The following VRK2 variants were observed in gnomAD, a reference collection of about 807,000 sequenced individuals.
VRK2 encodes the protein serine/threonine-protein kinase VRK2.
VRK2 carries 60 observed loss-of-function variants against 57.6 expected under a neutral mutation model. The observed-to-expected ratio is 1.04, with a 90% CI of 0.85 to 1.29. VRK2 has a LOEUF of 1.29. Ranked by LOEUF, VRK2 falls within the 50% of genes most tolerant of loss-of-function variation. The probability of loss-of-function intolerance (pLI) is 0.00; values close to 1 mark genes in which losing one functional copy is unlikely to be tolerated. For synonymous variants in VRK2, 231 were observed against 199.2 expected, an observed-to-expected ratio of 1.16 and a Z score of -1.35; for missense variants, 705 against 588.1, an observed-to-expected ratio of 1.20 and a Z score of -2.06.
At chr2:58,004,239 A>C (rs1673177387) in intron 1 of VRK2, among the ~76,000 whole-genome samples, 1 of 152,056 alleles carries the variant, frequency 6.6e-6, no homozygotes, top group South Asian at 2.1e-4. Flanking sequence ...ATGGGACTAT[A>C]ATATGCTTTT....
chr2:58,137,244 T>TATGATACATATATATCTC (rs1680660010), intron 10 of VRK2, among the ~76,000 whole-genome samples: 1 of 114,874 alleles, frequency 8.7e-6, no homozygotes, highest in African/African-American at 3.6e-5. Context: ...ATATATATCA[T>TATGATACATATATATCTC]ATATATGATA....
intron 7 of VRK2, among the ~76,000 whole-genome samples, chr2:58,122,163 T>C (rs952840891): frequency 4.6e-5 from 7 of 152,176 alleles, no homozygotes; most frequent in Non-Finnish European, 1.0e-4. Flanking sequence ...GTGGTGTTTC[T>C]TGTGTTTTGG....
intron 1 of VRK2, among the ~76,000 whole-genome samples, chr2:58,006,987 T>C (rs571915919): frequency 6.6e-6 from 1 of 152,162 alleles, no homozygotes; most frequent in Admixed American, 6.5e-5. Flanking sequence ...AGGACCCCAG[T>C]ACATTGTCGA....
chr2:58,069,815 T>G (rs1423022564), intron 2 of VRK2, among the ~76,000 whole-genome samples: 1 of 152,192 alleles, frequency 6.6e-6, no homozygotes, highest in Non-Finnish European at 1.5e-5. Context: ...CTAGAGAGCT[T>G]CTACTGGGGC....
At chr2:57,948,780 T>C (rs1420632411) in intron 1 of VRK2, among the ~76,000 whole-genome samples, 1 of 151,674 alleles carries the variant, frequency 6.6e-6, no homozygotes, top group Non-Finnish European at 1.5e-5. Context: ...AAAATAGCCA[T>C]TAATGGGAAA....
In VRK2 at chr2:58,087,441, T is replaced by TA. The variant is rs1397157398; in HGVS notation, c.345-899dup. On this transcript the variant is annotated intron_variant, in intron 5 of 12. Transcript: ENST00000340157. The stretch of plus-strand genomic sequence containing the variant: ...TTGCCTTAGAAGGATTTTGATGAGA[T>TA]ACTATTGAAAAAAGTAAGATGGAGA... 2.6e-5 allele frequency among the ~76,000 whole-genome samples: 4 copies of TA among 152,270 alleles called. No individual in the cohort carries two copies. In the East Asian group the frequency reaches 5.8e-4, roughly 22 times the overall value.
intron 1 of VRK2, among the ~76,000 whole-genome samples, chr2:57,979,840 T>G (rs991468465): frequency 1.3e-5 from 2 of 152,174 alleles, no homozygotes; most frequent in African/African-American, 4.8e-5. Context: ...GTGTTCATAA[T>G]AGTCTCTGAG....
intron 1 of VRK2, among the ~76,000 whole-genome samples, chr2:57,990,470 G>C (rs552756151): frequency 6.6e-6 from 1 of 152,138 alleles, no homozygotes; most frequent in Non-Finnish European, 1.5e-5. Context: ...CAGATGATAG[G>C]ACCAGATCAC....
intron 1 of VRK2, among the ~76,000 whole-genome samples, chr2:58,021,747 C>A (rs1004640460): frequency 3.3e-5 from 5 of 152,116 alleles, no homozygotes; most frequent in African/African-American, 1.2e-4. Flanking sequence ...CCAGTAGCAT[C>A]CCCCATACCT....
intron 1 of VRK2, among the ~76,000 whole-genome samples, chr2:57,908,049 G>T (rs909239058): frequency 1.3e-5 from 2 of 152,106 alleles, no homozygotes; most frequent in African/African-American, 4.8e-5. Context: ...GAGAATGAAG[G>T]CCAAAAGGAT....
intron 1 of VRK2, among the ~76,000 whole-genome samples, chr2:57,992,726 CG>C (rs1672806424): frequency 1.3e-5 from 2 of 152,022 alleles, no homozygotes; most frequent in South Asian, 4.2e-4. Context: ...TTAGTAGAGA[CG>C]GGGTTTCACC....
chr2:58,082,377 A>G (rs995442701), intron 2 of VRK2, among the ~76,000 whole-genome samples: 2 of 151,646 alleles, frequency 1.3e-5, no homozygotes, highest in Non-Finnish European at 3.0e-5. Context: ...TTAAAGATTT[A>G]TTTGCTGCTG....
intron 7 of VRK2, among the ~76,000 whole-genome samples, chr2:58,111,926 C>T (rs569659246): frequency 9.7e-4 from 148 of 152,196 alleles, no homozygotes; most frequent in Non-Finnish European, 1.8e-3. Flanking sequence ...ACATATGGTT[C>T]TCTGTTACAT....
At chr2:58,036,746 C>T (rs1674287201) in intron 3 of VRK2, among the ~76,000 whole-genome samples, 1 of 151,966 alleles carries the variant, frequency 6.6e-6, no homozygotes, top group African/African-American at 2.4e-5. Context: ...TTAGTGTCAG[C>T]CTCCTGCTCA....
chr2:58,005,282 T>G (rs958807972), intron 1 of VRK2, among the ~76,000 whole-genome samples: 1 of 152,184 alleles, frequency 6.6e-6, no homozygotes, highest in Non-Finnish European at 1.5e-5. Context: ...CTAAATAGAT[T>G]GCTTTCTTCT....
chr2:57,963,409 A>G (rs1294116102), intron 1 of VRK2, among the ~76,000 whole-genome samples: 8 of 152,200 alleles, frequency 5.3e-5, no homozygotes, highest in Non-Finnish European at 1.2e-4. Flanking sequence ...AAAACTGCAA[A>G]TATATTTCTT....
At chr2:58,112,224 T>G (rs1320497895) in intron 7 of VRK2, among the ~76,000 whole-genome samples, 2 of 152,240 alleles carry the variant, frequency 1.3e-5, no homozygotes, top group African/African-American at 4.8e-5. Context: ...ACTGCTGGGA[T>G]GCTCAGCTTT....
At chr2:58,022,412 A>G (rs1400069497) in intron 1 of VRK2, among the ~76,000 whole-genome samples, 2 of 152,214 alleles carry the variant, frequency 1.3e-5, no homozygotes, top group East Asian at 1.9e-4. Flanking sequence ...CACAGTGCTG[A>G]TGCTACGTAG....
chr2:58,070,700 C>T (rs1166846802), intron 2 of VRK2, among the ~76,000 whole-genome samples: 3 of 152,070 alleles, frequency 2.0e-5, no homozygotes, highest in Non-Finnish European at 4.4e-5. Context: ...TTTGTTTATC[C>T]ATTCACCTGT....
Sources: gnomAD v4.1 joint callset for allele counts (sites outside exome capture counted in the v4.1 genomes callset) on GRCh38, gnomAD v4.1.1 for gene constraint, MANE v1.5 for transcripts, NCBI Gene and HGNC (gene_info 2026-07-23, HGNC 2026-07-21) for gene names.